HOGA1: variants seen among roughly 807,000 people sequenced by gnomAD.
HOGA1 encodes 4-hydroxy-2-oxoglutarate aldolase, mitochondrial.
HOGA1 carries 30 observed loss-of-function variants against 34.3 expected under a neutral mutation model. The observed-to-expected ratio is 0.87, with a 90% confidence interval of 0.65 to 1.19. The LOEUF (loss-of-function observed/expected upper bound fraction) is 1.19. Among genes scored for constraint, HOGA1 ranks in the 50% most tolerant of loss-of-function variants. The pLI is 0.00. For missense variants in HOGA1, 417 were observed against 436.5 expected (o/e 0.96, Z 0.40); for synonymous variants, 161 against 174.0 (o/e 0.93, Z 0.59).
chr10:97,589,829 G>A, intron 1 of HOGA1: 1 of 1,260,634 alleles, frequency 7.9e-7, no homozygotes, highest in South Asian at 1.3e-5. Flanking sequence ...GACCTTCTTG[G>A]AGCTCATCCA....
At chr10:97,595,048 T>C (rs887592596) in intron 1 of HOGA1, among the ~76,000 whole-genome samples, 1 of 152,206 alleles carries the variant, frequency 6.6e-6, no homozygotes, top group Non-Finnish European at 1.5e-5. Context: ...ACTCCTTATG[T>C]GATTCTTTTT....
intron 1 of HOGA1, among the ~76,000 whole-genome samples, chr10:97,591,823 G>GTGTT (rs1444990502): frequency 4.4e-4 from 60 of 137,180 alleles, no homozygotes; most frequent in African/African-American, 1.6e-3. Flanking sequence ...CATTTTGTGT[G>GTGTT]TGTGTGTGTG....
intron 1 of HOGA1, among the ~76,000 whole-genome samples, chr10:97,587,872 C>T (rs1391661871): frequency 2.0e-5 from 3 of 151,988 alleles, no homozygotes; most frequent in South Asian, 4.2e-4. Flanking sequence ...TGCAGTGGCA[C>T]GATCTCGGCT....
rs1977642 is a variant in HOGA1 at position 97,612,014 on chromosome 10, C to T, written c.*355C>T. Reference sequence around the variant, plus strand: ...CAAGTAGGCACAGTAAGGGAATTTTCTTTTCTTTTTTTTTTTTTTTGAGAC... The same window carrying T: ...CAAGTAGGCACAGTAAGGGAATTTTTTTTTCTTTTTTTTTTTTTTTGAGAC... On this transcript the variant is annotated 3_prime_UTR_variant, in exon 7 of 7. Coordinates refer to ENST00000370646, the MANE Select transcript of HOGA1 (RefSeq NM_138413.4). 68,610 of 196,824 alleles carry T rather than the reference C, an allele frequency of 0.35. 14,053 individuals are homozygous for T. The highest frequency in any genetic ancestry group is 0.58 in the African/African-American group (23,411 of 40,674). 12.2% of individuals were successfully genotyped at this position (196,824 alleles called of 1,614,324 possible).
intron 6 of HOGA1, among the ~76,000 whole-genome samples, chr10:97,610,712 A>G (rs1443429487): frequency 6.6e-6 from 1 of 152,186 alleles, no homozygotes; most frequent in Non-Finnish European, 1.5e-5. Context: ...AGGCAGGAGA[A>G]TCACTTGAAC....
intron 6 of HOGA1, chr10:97,602,634 T>TCCTCCCTC (rs928936353): frequency 1.1e-6 from 1 of 929,086 alleles, no homozygotes; most frequent in African/African-American, 1.8e-5. Context: ...GTTCCTTCCT[T>TCCTCCCTC]CCTCCCTCCC....
chr10:97,586,136 C>CAAA (rs574023517), intron 1 of HOGA1, among the ~76,000 whole-genome samples: 2 of 136,438 alleles, frequency 1.5e-5, no homozygotes, highest in Non-Finnish European at 3.1e-5. Flanking sequence ...GACTCCATCT[C>CAAA]AAAAAAAAAA....
chr10:97,604,943 T>C (rs2041145743), intron 6 of HOGA1, among the ~76,000 whole-genome samples: 4 of 152,166 alleles, frequency 2.6e-5, no homozygotes, highest in African/African-American at 9.7e-5. Context: ...ATTGTGCCAC[T>C]GCACTCCAGC....
At position 97,612,153 on chromosome 10, in the gene HOGA1, C is replaced by G; in HGVS notation, c.*494C>G. The G allele has an allele frequency of 6.4e-6, 1 of 155,284 alleles. No individual in the cohort carries two copies. The highest frequency in any genetic ancestry group is 1.4e-5 in the Non-Finnish European group (1 of 70,210). 9.6% of individuals were successfully genotyped at this position (155,284 alleles called of 1,614,324 possible). ...TAGCTGGGATTACAGGCGCCTGCCA[C>G]CACGCCCAGCTAATTTTTGTATTTT... On this transcript the variant is annotated 3_prime_UTR_variant, in exon 7 of 7. Coordinates refer to ENST00000370646, the MANE Select transcript of HOGA1 (RefSeq NM_138413.4).
rs2041104477 is a variant in HOGA1, at chr10:97,600,063, G to T, written c.604-4G>T. ...CAGCTCTCACACCACATTTGCTGTTGCAGGTGACCAGGATTGGGCTGATTG... is the reference window on the plus strand; with the variant it reads ...CAGCTCTCACACCACATTTGCTGTTTCAGGTGACCAGGATTGGGCTGATTG... On this transcript the variant is annotated splice_polypyrimidine_tract_variant and splice_region_variant and intron_variant, in intron 4 of 6. Transcript: ENST00000370646. The T allele has an allele frequency of 6.2e-7, 1 of 1,613,798 alleles. No homozygotes were observed. Among genetic ancestry groups the T allele is most frequent in the East Asian group, 2.2e-5 (1 of 44,886 alleles).
At chr10:97,588,987 A>G (rs1229225348) in intron 1 of HOGA1, among the ~76,000 whole-genome samples, 1 of 152,086 alleles carries the variant, frequency 6.6e-6, no homozygotes, top group Non-Finnish European at 1.5e-5. Context: ...CAGCCAGCCC[A>G]CCTGCTCACA....
intron 1 of HOGA1, among the ~76,000 whole-genome samples, chr10:97,585,831 G>T (rs1240332015): frequency 6.6e-6 from 1 of 152,192 alleles, no homozygotes; most frequent in East Asian, 1.9e-4. Flanking sequence ...AGGCAGTATC[G>T]TGTAGACTGT....
intron 6 of HOGA1, among the ~76,000 whole-genome samples, chr10:97,609,428 C>G (rs538303624): frequency 6.6e-6 from 1 of 152,136 alleles, no homozygotes; most frequent in Non-Finnish European, 1.5e-5. Flanking sequence ...CAGATCTCTG[C>G]GTGTCATCCC....
intron 1 of HOGA1, chr10:97,590,017 C>T (rs1204503287): frequency 6.2e-7 from 1 of 1,614,082 alleles, no homozygotes; most frequent in Admixed American, 1.7e-5. Context: ...CCCACTTTAG[C>T]CGCCTTTCCG....
intron 1 of HOGA1, among the ~76,000 whole-genome samples, chr10:97,592,240 CTTT>C (rs370993111): frequency 8.3e-6 from 1 of 121,086 alleles, no homozygotes. Flanking sequence ...AATCCCTGTA[CTTT>C]TTTTTTTTTT....
rs202190093 is a variant in HOGA1 at position 97,599,141 on chromosome 10, C to A, written c.393C>A (p.Asp131Glu). Residue 131 changes from aspartate (D) to glutamate (E), a missense_variant, in exon 3 of 7, where the codon GAC becomes GAA. Coordinates refer to ENST00000370646, the MANE Select transcript of HOGA1 (RefSeq NM_138413.4). ...MTVSMAQVGA[D>E]AAMVVTPCYY... ...TCAGCATGGCCCAGGTCGGGGCTGACGCGGCCATGGTGGTGACCCCTTGCT... is the reference window on the plus strand; with the variant it reads ...TCAGCATGGCCCAGGTCGGGGCTGAAGCGGCCATGGTGGTGACCCCTTGCT... 3 of 1,613,800 alleles carry A rather than the reference C, an allele frequency of 1.9e-6. No homozygotes were observed. The highest frequency in any genetic ancestry group is 1.7e-6 in the Non-Finnish European group (2 of 1,180,032).
intron 1 of HOGA1, among the ~76,000 whole-genome samples, chr10:97,588,091 C>T (rs1323952109): frequency 2.6e-5 from 4 of 152,132 alleles, no homozygotes; most frequent in African/African-American, 9.7e-5. Flanking sequence ...GGATTACAGG[C>T]ATGAGCCACC....
At chr10:97,598,625 T>G in intron 1 of HOGA1, 150 bp from the exon 2 acceptor site, 3 of 1,029,428 alleles carry the variant, frequency 2.9e-6, no homozygotes, top group Non-Finnish European at 4.6e-6. Flanking sequence ...AAAAATGATG[T>G]GAACAGTCAT....
intron 6 of HOGA1, among the ~76,000 whole-genome samples, chr10:97,606,997 G>C (rs2041162335): frequency 6.6e-6 from 1 of 151,822 alleles, no homozygotes; most frequent in South Asian, 2.1e-4. Flanking sequence ...ATCTGGTGCA[G>C]AGTGGCTCAC....
Sources: gnomAD v4.1 joint callset for allele counts (sites outside exome capture counted in the v4.1 genomes callset) on GRCh38, gnomAD v4.1.1 for gene constraint, MANE v1.5 for transcripts, NCBI Gene and HGNC (gene_info 2026-07-23, HGNC 2026-07-21) for gene names.